RANBP17: variants seen among roughly 807,000 people sequenced by gnomAD.
The protein encoded by RANBP17 is RAN binding protein 17.
A neutral mutation model predicts 141.2 loss-of-function variants in RANBP17; 158 were observed. The observed-to-expected ratio is 1.12, with a 90% CI of 0.98 to 1.28. The LOEUF is 1.28. Ranked by LOEUF, RANBP17 falls within the 50% of genes most tolerant of loss-of-function variation. RANBP17 has a pLI of 0.00. For missense variants in RANBP17, 1,438 were observed against 1,290.7 expected (o/e 1.11, Z -1.75); for synonymous variants, 430 against 450.0 (o/e 0.96, Z 0.56).
At chr5:170,978,690 G>A (rs1299502540) in intron 14 of RANBP17, among the ~76,000 whole-genome samples, 3 of 152,148 alleles carry the variant, frequency 2.0e-5, no homozygotes, top group Non-Finnish European at 4.4e-5. Flanking sequence ...TCAGAATGGT[G>A]GTTACCTTTG....
At chr5:170,962,655 C>T (rs1383313480) in intron 13 of RANBP17, among the ~76,000 whole-genome samples, 6 of 152,128 alleles carry the variant, frequency 3.9e-5, no homozygotes, top group Non-Finnish European at 2.9e-5. Context: ...CTTTACTCCT[C>T]ATCTCAAAAT....
intron 14 of RANBP17, among the ~76,000 whole-genome samples, chr5:171,094,657 T>C (rs1465703745): frequency 6.6e-6 from 1 of 152,194 alleles, no homozygotes; most frequent in East Asian, 1.9e-4. Context: ...CTAACATTAC[T>C]TCTGATCTTT....
intron 25 of RANBP17, among the ~76,000 whole-genome samples, chr5:171,284,863 C>A (rs1768062295): frequency 6.6e-6 from 1 of 152,164 alleles, no homozygotes; most frequent in Non-Finnish European, 1.5e-5. Flanking sequence ...AGAACCTAAT[C>A]AGTATTGTTC....
intron 14 of RANBP17, among the ~76,000 whole-genome samples, chr5:171,057,671 G>T (rs529742516): frequency 6.6e-6 from 1 of 152,266 alleles, no homozygotes; most frequent in East Asian, 1.9e-4. Context: ...AAGCTTCATT[G>T]ATTTACAGTT....
chr5:170,965,250 T>G (rs1399781462), intron 13 of RANBP17, among the ~76,000 whole-genome samples: 1 of 151,838 alleles, frequency 6.6e-6, no homozygotes, highest in African/African-American at 2.4e-5. Flanking sequence ...GGGTTGTTTT[T>G]TTTTTTCTTG....
At chr5:171,134,759 A>G (rs1757155382) in intron 14 of RANBP17, among the ~76,000 whole-genome samples, 2 of 151,976 alleles carry the variant, frequency 1.3e-5, no homozygotes, top group Non-Finnish European at 2.9e-5. Flanking sequence ...TATCTCTACA[A>G]AAAATACAAA....
intron 13 of RANBP17, 29 bp from the exon 14 acceptor site, chr5:170,968,213 G>GT: frequency 1.3e-6 from 2 of 1,496,360 alleles, no homozygotes; most frequent in Non-Finnish European, 8.9e-7. Context: ...TTGTACTGAA[G>GT]GTTTTTTTTT....
At chr5:171,232,033 A>G (rs1428818730) in intron 22 of RANBP17, among the ~76,000 whole-genome samples, 4 of 152,240 alleles carry the variant, frequency 2.6e-5, no homozygotes, top group Non-Finnish European at 4.4e-5. Flanking sequence ...CTTATGGGAA[A>G]TACAAATAAT....
At chr5:170,934,260 T>C (rs1406569589) in intron 12 of RANBP17, among the ~76,000 whole-genome samples, 3 of 152,232 alleles carry the variant, frequency 2.0e-5, no homozygotes, top group Non-Finnish European at 4.4e-5. Flanking sequence ...GTTTTCCATT[T>C]GCTTGGTAGA....
chr5:171,245,738 T>G (rs1765171715), intron 24 of RANBP17, among the ~76,000 whole-genome samples: 1 of 152,174 alleles, frequency 6.6e-6, no homozygotes, highest in Non-Finnish European at 1.5e-5. Flanking sequence ...ACCACTAAAG[T>G]GTTAACCTTA....
chr5:171,120,124 A>G (rs1755922437), intron 14 of RANBP17, among the ~76,000 whole-genome samples: 1 of 151,692 alleles, frequency 6.6e-6, no homozygotes, highest in African/African-American at 2.4e-5. Flanking sequence ...TATCAGACAG[A>G]GCGGCTCCTG....
chr5:171,119,264 A>G (rs970841732), intron 14 of RANBP17, among the ~76,000 whole-genome samples: 4 of 152,008 alleles, frequency 2.6e-5, no homozygotes, highest in African/African-American at 7.2e-5. Context: ...TTCATGTGCT[A>G]TTTGATTCAG....
chr5:170,919,580 C>T lies in RANBP17; in HGVS notation c.1241C>T (p.Thr414Ile), dbSNP rs753266357. The change falls in exon 11 of 28, where the codon ACT becomes ATT. Residue 414 changes from threonine (T) to isoleucine (I), a missense_variant. By Grantham distance (89) the Thr-to-Ile change is moderately conservative. Coordinates refer to ENST00000523189, the MANE Select transcript of RANBP17 (RefSeq NM_022897.5). ...CCAGAAATCACGAAGGCCTTTATCA[C>T]TTCTCGGTTGGACTCTGTTGCCATA... is the stretch of plus-strand genomic sequence containing the variant. ...YAPEITKAFI[T>I]SRLDSVAIVV... 20 of 1,607,040 alleles carry T rather than the reference C, an allele frequency of 1.2e-5. No homozygotes were observed. In the Admixed American group the frequency reaches 3.1e-4, roughly 25 times the overall value.
intron 18 of RANBP17, among the ~76,000 whole-genome samples, chr5:171,184,843 A>C (rs142799142): frequency 1.6e-3 from 247 of 152,304 alleles, no homozygotes; most frequent in African/African-American, 5.3e-3. Context: ...CATGATGTAG[A>C]TACAATGTAC....
chr5:171,136,915 G>C (rs920100268), intron 14 of RANBP17, among the ~76,000 whole-genome samples: 1 of 151,910 alleles, frequency 6.6e-6, no homozygotes, highest in Non-Finnish European at 1.5e-5. Context: ...TTTTCTTCAT[G>C]GTTTCTCTCA....
chr5:171,180,229 T>C (rs949332062), intron 16 of RANBP17, among the ~76,000 whole-genome samples: 1 of 152,230 alleles, frequency 6.6e-6, no homozygotes, highest in Non-Finnish European at 1.5e-5. Context: ...TTCAATTGTA[T>C]TTCAAGAAGC....
At chr5:171,080,258 C>CA (rs1437229043) in intron 14 of RANBP17, among the ~76,000 whole-genome samples, 1 of 150,396 alleles carries the variant, frequency 6.6e-6, no homozygotes, top group African/African-American at 2.5e-5. Context: ...CACACACACA[C>CA]ACACACACAC....
chr5:171,230,559 G>A (rs1406339530), intron 22 of RANBP17, among the ~76,000 whole-genome samples: 1 of 151,848 alleles, frequency 6.6e-6, no homozygotes. Context: ...TCAGGAGTTC[G>A]AGACCAGCCT....
At position 171,183,378 on chromosome 5, in the gene RANBP17, G is replaced by A. The variant is rs200863276; in HGVS notation, c.1986G>A (p.Arg662=). The A allele has an allele frequency of 1.2e-6, 2 of 1,613,914 alleles. No individual in the cohort carries two copies. Among genetic ancestry groups the A allele is most frequent in the African/African-American group, 2.7e-5 (2 of 74,926 alleles). ...ACAATCATAGTCTCAGCGACTTCAGGTGTCGAACAACCTTCTACACAGCGC... is the reference window on the plus strand; with the variant it reads ...ACAATCATAGTCTCAGCGACTTCAGATGTCGAACAACCTTCTACACAGCGC... ...ISDNHSLSDF[R]CRTTFYTALT... Residue 662 remains arginine (R), a synonymous_variant, in exon 18 of 28, where the codon AGG becomes AGA. Transcript: ENST00000523189.
Sources: gnomAD v4.1 joint callset for allele counts (sites outside exome capture counted in the v4.1 genomes callset) on GRCh38, gnomAD v4.1.1 for gene constraint, MANE v1.5 for transcripts, NCBI Gene and HGNC (gene_info 2026-07-23, HGNC 2026-07-21) for gene names.